Variants in FUT9 observed in about 807,000 individuals in gnomAD.
FUT9 encodes 4-galactosyl-N-acetylglucosaminide 3-alpha-L-fucosyltransferase 9.
Under a neutral mutation model 29.7 loss-of-function variants are expected in FUT9, and 15 were observed. That is an observed-to-expected ratio of 0.51 (90% CI 0.34 to 0.78). The LOEUF (loss-of-function observed/expected upper bound fraction) is 0.78, where lower values mean the gene tolerates loss of function less well. FUT9 is among the 30% of genes least tolerant of loss of function. FUT9 has a pLI of 0.01. For synonymous variants in FUT9, 169 were observed against 153.7 expected, an observed-to-expected ratio of 1.10 and a Z score of -0.74; for missense variants, 319 against 425.4, an observed-to-expected ratio of 0.75 and a Z score of 2.20.
chr6:96,071,038 A>G (rs1044679278), intron 1 of FUT9, among the ~76,000 whole-genome samples: 2 of 152,234 alleles, frequency 1.3e-5, no homozygotes, highest in African/African-American at 2.4e-5. Flanking sequence ...GAGTTGATGA[A>G]AAGTGACATT....
chr6:96,160,365 C>T (rs778831483), intron 2 of FUT9, among the ~76,000 whole-genome samples: 7 of 151,998 alleles, frequency 4.6e-5, no homozygotes, highest in Non-Finnish European at 7.4e-5. Context: ...TTATGCTGCC[C>T]GAGTTTGCAG....
chr6:96,165,900 G>C (rs1193989002), intron 2 of FUT9, among the ~76,000 whole-genome samples: 1 of 152,086 alleles, frequency 6.6e-6, no homozygotes, highest in Non-Finnish European at 1.5e-5. Flanking sequence ...ACAGGTGTGA[G>C]GCACCACACT....
intron 2 of FUT9, among the ~76,000 whole-genome samples, chr6:96,196,175 T>A (rs955347036): frequency 6.6e-6 from 1 of 152,158 alleles, no homozygotes; most frequent in Non-Finnish European, 1.5e-5. Flanking sequence ...ATAAGGGTCA[T>A]GGCCAGCAAC....
chr6:96,051,847 C>T (rs1770676599), intron 1 of FUT9, among the ~76,000 whole-genome samples: 1 of 151,534 alleles, frequency 6.6e-6, no homozygotes, highest in Non-Finnish European at 1.5e-5. Context: ...GAATCTAATT[C>T]CTTGGATTAG....
chr6:96,068,400 T>C (rs547908206), intron 1 of FUT9, among the ~76,000 whole-genome samples: 1 of 152,260 alleles, frequency 6.6e-6, no homozygotes, highest in Non-Finnish European at 1.5e-5. Context: ...ACGGGTGAGT[T>C]AACCAAAAAT....
At chr6:96,068,707 G>A (rs1340073011) in intron 1 of FUT9, among the ~76,000 whole-genome samples, 1 of 152,142 alleles carries the variant, frequency 6.6e-6, no homozygotes, top group Non-Finnish European at 1.5e-5. Flanking sequence ...GGAAAGTTAT[G>A]CTTTGGTAAA....
At chr6:96,159,268 TCAACAGAGAAAAAAATGTTGA>T (rs2127979303) in intron 2 of FUT9, among the ~76,000 whole-genome samples, 1 of 152,176 alleles carries the variant, frequency 6.6e-6, no homozygotes, top group East Asian at 1.9e-4. Flanking sequence ...GATTTTTGAA[TCAACAGAGAAAAAAATGTTGA>T]TCCCATCAAC....
intron 2 of FUT9, among the ~76,000 whole-genome samples, chr6:96,197,759 G>A (rs934838829): frequency 6.6e-6 from 1 of 152,200 alleles, no homozygotes; most frequent in Non-Finnish European, 1.5e-5. Flanking sequence ...GATAGGGGAG[G>A]TGGGTTGAAG....
chr6:96,106,245 T>TCCTTCCTTCCTTCCTTCCTTCCTG, intron 1 of FUT9, among the ~76,000 whole-genome samples: 1 of 151,668 alleles, frequency 6.6e-6, no homozygotes, highest in African/African-American at 2.4e-5. Flanking sequence ...CTTCCTTCCT[T>TCCTTCCTTCCTTCCTTCCTTCCTG]CATCTTCTTA....
At chr6:96,185,315 G>A (rs961922452) in intron 2 of FUT9, among the ~76,000 whole-genome samples, 1 of 152,010 alleles carries the variant, frequency 6.6e-6, no homozygotes, top group Non-Finnish European at 1.5e-5. Context: ...ACAATAGCAA[G>A]GAGAGAGGGA....
intron 1 of FUT9, among the ~76,000 whole-genome samples, chr6:96,080,588 G>C (rs950255066): frequency 7.2e-5 from 11 of 151,952 alleles, no homozygotes; most frequent in Non-Finnish European, 1.0e-4. Flanking sequence ...ATGTTCCAAT[G>C]ATGATTAAAA....
At chr6:96,072,412 G>A (rs1319913814) in intron 1 of FUT9, among the ~76,000 whole-genome samples, 1 of 152,156 alleles carries the variant, frequency 6.6e-6, no homozygotes, top group Non-Finnish European at 1.5e-5. Context: ...TCACTTTGTA[G>A]ATTGCATCAC....
intron 1 of FUT9, among the ~76,000 whole-genome samples, chr6:96,071,402 A>T (rs117782648): frequency 0.012 from 1,831 of 152,318 alleles, 18 homozygotes; most frequent in Non-Finnish European, 0.02. Flanking sequence ...GAAAAATATG[A>T]TGCAAAAATT....
chr6:96,149,680 T>C (rs1023188568), intron 2 of FUT9, among the ~76,000 whole-genome samples: 1 of 152,190 alleles, frequency 6.6e-6, no homozygotes. Flanking sequence ...AAGCATTTCT[T>C]TGCCTGAATT....
intron 2 of FUT9, among the ~76,000 whole-genome samples, chr6:96,188,384 A>G (rs973985982): frequency 4.6e-5 from 7 of 152,144 alleles, no homozygotes; most frequent in Admixed American, 1.3e-4. Flanking sequence ...TTTCTGTCTC[A>G]GCCTCCTGAG....
At chr6:96,102,004 A>G (rs1283538283) in intron 1 of FUT9, among the ~76,000 whole-genome samples, 3 of 152,158 alleles carry the variant, frequency 2.0e-5, no homozygotes, top group Non-Finnish European at 2.9e-5. Context: ...ATGGATATGT[A>G]TGCACGTGTG....
intron 2 of FUT9, among the ~76,000 whole-genome samples, chr6:96,114,631 C>A (rs1013305926): frequency 6.6e-6 from 1 of 150,502 alleles, no homozygotes. Context: ...TATATATATT[C>A]ATATATGTAA....
intron 2 of FUT9, among the ~76,000 whole-genome samples, chr6:96,152,799 G>A (rs1562144348): frequency 6.6e-6 from 1 of 152,184 alleles, no homozygotes; most frequent in Non-Finnish European, 1.5e-5. Flanking sequence ...AGTTGATAAA[G>A]TTGTAAATAG....
In FUT9 at chr6:96,151,978, G is replaced by A. The variant is rs563791313; in HGVS notation, c.-9+37851G>A. 1.9e-3 allele frequency among the ~76,000 whole-genome samples: 282 copies of A among 152,266 alleles called. 1 individual carries two copies. The highest frequency in any genetic ancestry group is 2.3e-3 in the Non-Finnish European group (158 of 68,034). Reference sequence around the variant, plus strand: ...ATGAAGTAGAGAAGCATTCAAAATGGGATCAGAGGATGCATCTATTCACAG... The same window carrying A: ...ATGAAGTAGAGAAGCATTCAAAATGAGATCAGAGGATGCATCTATTCACAG... On this transcript the variant is annotated intron_variant, in intron 2 of 2. Transcript: ENST00000302103.
Sources: gnomAD v4.1 joint callset for allele counts (sites outside exome capture counted in the v4.1 genomes callset) on GRCh38, gnomAD v4.1.1 for gene constraint, MANE v1.5 for transcripts, NCBI Gene and HGNC (gene_info 2026-07-23, HGNC 2026-07-21) for gene names.